The following RIMBP2 variants were observed in gnomAD, a reference collection of about 807,000 sequenced individuals.
The protein encoded by RIMBP2 is RIMS binding protein 2.
Under a neutral mutation model 118.6 loss-of-function variants are expected in RIMBP2, and 48 were observed. The ratio of observed to expected loss-of-function variants is 0.40; its 90% confidence interval spans 0.32 to 0.51. The LOEUF (loss-of-function observed/expected upper bound fraction) is 0.51. RIMBP2 is among the 20% of genes least tolerant of loss of function. RIMBP2 has a pLI of 0.41. For synonymous variants in RIMBP2, 762 were observed against 742.9 expected (o/e 1.03, Z -0.42); for missense variants, 1,551 against 1,768.3 (o/e 0.88, Z 2.20).
At chr12:130,568,063 G>A (rs561189502) in intron 2 of RIMBP2, among the ~76,000 whole-genome samples, 17 of 152,130 alleles carry the variant, frequency 1.1e-4, no homozygotes, top group Non-Finnish European at 2.5e-4. Context: ...CCTGCTGATT[G>A]GAAATCTAAC....
In RIMBP2 at chr12:130,670,346, G is replaced by T. The variant is rs1363218883; in HGVS notation, c.-351-41890C>A. On this transcript the variant is annotated intron_variant, in intron 1 of 22. Coordinates refer to ENST00000690449, the MANE Select transcript of RIMBP2 (RefSeq NM_001393629.1). This position sits in a 1 kb window ranked among gnomAD's most constrained non-coding sequence, Gnocchi z 4.9. ...CGTTCTAGGAAGGCATGGAGAAGCG[G>T]ATCTTCCCGGCAGCCACCAGCGTGT... 6.6e-6 allele frequency among the ~76,000 whole-genome samples: 1 copy of T among 152,158 alleles called. No homozygotes were observed.
In RIMBP2 at chr12:130,705,316, C is replaced by A. The variant is rs748987172; in HGVS notation, c.-352+10906G>T. Among the ~76,000 whole-genome samples the A allele has an allele frequency of 2.6e-5, 4 of 152,196 alleles. No individual in the cohort carries two copies. In the East Asian group the frequency reaches 7.7e-4, roughly 29 times the overall value. ...CCAAGACTAGACAGGCTCATGAAGC[C>A]GCCCGGAGCCTCCCGGCCAGTCACC... is the stretch of plus-strand genomic sequence containing the variant. On this transcript the variant is annotated intron_variant, in intron 1 of 22. Coordinates refer to ENST00000690449, the MANE Select transcript of RIMBP2 (RefSeq NM_001393629.1).
chr12:130,458,842 CGA>C (rs1206123796), intron 6 of RIMBP2, among the ~76,000 whole-genome samples: 1 of 151,970 alleles, frequency 6.6e-6, no homozygotes, highest in Non-Finnish European at 1.5e-5. Flanking sequence ...CTCAGGAGTT[CGA>C]GACCAGCCTG....
chr12:130,626,243 G>C (rs990730592), intron 2 of RIMBP2, among the ~76,000 whole-genome samples: 2 of 152,180 alleles, frequency 1.3e-5, no homozygotes, highest in South Asian at 4.1e-4. Flanking sequence ...CATAAAATAG[G>C]AATCAGAGGA....
chr12:130,693,541 G>A (rs1204209382), intron 1 of RIMBP2, among the ~76,000 whole-genome samples: 1 of 152,174 alleles, frequency 6.6e-6, no homozygotes, highest in African/African-American at 2.4e-5. Context: ...CCGTGAGAAA[G>A]GCTCTCAGGC....
At chr12:130,486,859 C>G (rs1387960624) in intron 4 of RIMBP2, among the ~76,000 whole-genome samples, 1 of 150,900 alleles carries the variant, frequency 6.6e-6, no homozygotes, top group African/African-American at 2.4e-5. Flanking sequence ...TGCCCCGAGA[C>G]AGCTCCTCCT....
At chr12:130,519,903 C>A (rs1263816107) in intron 2 of RIMBP2, among the ~76,000 whole-genome samples, 1 of 152,208 alleles carries the variant, frequency 6.6e-6, no homozygotes, top group Non-Finnish European at 1.5e-5. Flanking sequence ...TCAAGGACAT[C>A]AATCTCACGG....
intron 2 of RIMBP2, among the ~76,000 whole-genome samples, chr12:130,520,126 A>G (rs1187570809): frequency 2.6e-5 from 4 of 152,042 alleles, no homozygotes; most frequent in South Asian, 2.1e-4. Context: ...CTTTCACCCA[A>G]TTTTCTGGTG....
chr12:130,428,624 C>A (rs1377081081), intron 14 of RIMBP2: 1 of 279,726 alleles, frequency 3.6e-6, no homozygotes, highest in Non-Finnish European at 6.6e-6. Flanking sequence ...CTGGGGCTTA[C>A]AAGACACGCG....
intron 2 of RIMBP2, among the ~76,000 whole-genome samples, chr12:130,608,076 C>T (rs1399901569): frequency 1.3e-5 from 2 of 152,204 alleles, no homozygotes; most frequent in African/African-American, 2.4e-5. Context: ...GATTCAGCGT[C>T]CTAGGACAGC....
intron 2 of RIMBP2, among the ~76,000 whole-genome samples, chr12:130,615,272 C>CACATATATATATATATATATATAT (rs1429575646): frequency 2.6e-5 from 1 of 38,804 alleles, no homozygotes; most frequent in Non-Finnish European, 4.6e-5. Flanking sequence ...ACATAATACA[C>CACATATATATATATATATATATAT]ATACATATAT....
At position 130,677,613 on chromosome 12, in the gene RIMBP2, G is replaced by A. The variant is rs181373601; in HGVS notation, c.-352+38609C>T. ...ACTGAACTCCACCCTGGGAGACAGA[G>A]CGGAACACTGTCTCAAAAAAAACAA... On this transcript the variant is annotated intron_variant, in intron 1 of 22. Coordinates refer to ENST00000690449, the MANE Select transcript of RIMBP2 (RefSeq NM_001393629.1). 3.0e-3 allele frequency among the ~76,000 whole-genome samples: 455 copies of A among 152,168 alleles called. 1 individual carries two copies. Among genetic ancestry groups the A allele is most frequent in the South Asian group, 0.016 (76 of 4,794 alleles).
intron 1 of RIMBP2, chr12:130,657,712 AGGGCGG>A (rs1394296247): frequency 2.4e-5 from 2 of 82,040 alleles, no homozygotes; most frequent in Non-Finnish European, 5.6e-5. Flanking sequence ...GGGGGCAGTG[AGGGCGG>A]AGGATGGAGC....
intron 1 of RIMBP2, among the ~76,000 whole-genome samples, chr12:130,689,785 G>T: frequency 6.6e-6 from 1 of 152,186 alleles, no homozygotes; most frequent in East Asian, 1.9e-4. Context: ...CATTTTCTAT[G>T]CATCGTACCA....
chr12:130,544,003 G>A (rs2139600330), intron 2 of RIMBP2, among the ~76,000 whole-genome samples: 1 of 152,276 alleles, frequency 6.6e-6, no homozygotes, highest in Non-Finnish European at 1.5e-5. Flanking sequence ...ACCACCTTAT[G>A]ATCACTCATC....
Position 130,475,796 on chromosome 12 carries a change from A to G in RIMBP2, c.102+3116T>C, listed in dbSNP as rs955474401. Among the ~76,000 whole-genome samples, 3 of 152,108 alleles carry G rather than the reference A, an allele frequency of 2.0e-5. No homozygotes were observed. The highest frequency in any genetic ancestry group is 2.9e-5 in the Non-Finnish European group (2 of 68,030). ...CAGGGAAAGGAAGAGCTGTACAAAA[A>G]CGGGAGATGCTGCCGTTTACGGAGC... is the stretch of plus-strand genomic sequence containing the variant. On this transcript the variant is annotated intron_variant, in intron 5 of 22. Coordinates refer to ENST00000690449, the MANE Select transcript of RIMBP2 (RefSeq NM_001393629.1). This position sits in a 1 kb window ranked among gnomAD's most constrained non-coding sequence, Gnocchi z 4.1.
Position 130,434,327 on chromosome 12 carries a change from CTG to C in RIMBP2, c.2253+405_2253+406del, listed in dbSNP as rs1360332217. The stretch of plus-strand genomic sequence containing the variant: ...TGCTGTTCTGAAGGACGAACACTGA[CTG>C]TGTTATTTTTGGCTCCCATGATGCC... On this transcript the variant is annotated intron_variant, in intron 14 of 22. Transcript: ENST00000690449. This position sits in a 1 kb window ranked among gnomAD's most constrained non-coding sequence, Gnocchi z 5.7. Among the ~76,000 whole-genome samples, 1 of 152,122 alleles carries C rather than the reference CTG, an allele frequency of 6.6e-6. No homozygotes were observed. Among genetic ancestry groups the C allele is most frequent in the African/African-American group, 2.4e-5 (1 of 41,420 alleles).
chr12:130,645,340 C>T (rs934973092), intron 1 of RIMBP2, among the ~76,000 whole-genome samples: 2 of 152,202 alleles, frequency 1.3e-5, no homozygotes, highest in Admixed American at 6.5e-5. Context: ...CAGCACACCG[C>T]TCCCCCAAAA....
chr12:130,608,577 C>T (rs887355613), intron 2 of RIMBP2, among the ~76,000 whole-genome samples: 2 of 152,164 alleles, frequency 1.3e-5, no homozygotes, highest in Non-Finnish European at 2.9e-5. Context: ...GACCCTCCTC[C>T]TGGGGGGAGG....
Sources: allele counts gnomAD v4.1 joint callset (sites outside exome capture counted in the v4.1 genomes callset), GRCh38; gene constraint gnomAD v4.1.1; non-coding constraint Gnocchi (gnomAD v3.1); transcripts MANE v1.5; gene names NCBI Gene and HGNC (gene_info 2026-07-23, HGNC 2026-07-21).